SLC14A2: variants seen among roughly 807,000 people sequenced by gnomAD.
The protein encoded by SLC14A2 is solute carrier family 14 member 2.
A neutral mutation model predicts 104.6 loss-of-function variants in SLC14A2; 91 were observed. That is an observed-to-expected ratio of 0.87 (90% CI 0.73 to 1.04). SLC14A2 has a LOEUF of 1.04. Among genes scored for constraint, SLC14A2 ranks in the 50% least tolerant of loss-of-function variants. The pLI, the probability that SLC14A2 is intolerant of heterozygous loss-of-function variation, is 0.00. For synonymous variants in SLC14A2, 476 were observed against 466.4 expected (o/e 1.02, Z -0.27); for missense variants, 1,189 against 1,156.0 (o/e 1.03, Z -0.41).
intron 1 of SLC14A2, among the ~76,000 whole-genome samples, chr18:45,382,151 C>T (rs1394498494): frequency 6.6e-6 from 1 of 152,152 alleles, no homozygotes; most frequent in African/African-American, 2.4e-5. Context: ...GTTGGCCACT[C>T]CCAGATTCTC....
intron 2 of SLC14A2, among the ~76,000 whole-genome samples, chr18:45,555,869 G>A (rs190334902): frequency 6.6e-6 from 1 of 152,308 alleles, no homozygotes; most frequent in East Asian, 1.9e-4. Flanking sequence ...CACTCACCTT[G>A]CCCTTGTGCC....
At chr18:45,204,849 C>T in the SLC14A2 span, among the ~76,000 whole-genome samples, 157 of 151,866 alleles carry the variant, frequency 1.0e-3, no homozygotes, top group African/African-American at 3.4e-3. Flanking sequence ...AAGGTACTTA[C>T]CTCATTGCTT....
At chr18:45,286,369 C>T (rs982233062) in intron 1 of SLC14A2, among the ~76,000 whole-genome samples, 8 of 152,306 alleles carry the variant, frequency 5.3e-5, no homozygotes, top group East Asian at 3.9e-4. Flanking sequence ...CCACTTTTTA[C>T]GTCCCAGGTC....
intron 1 of SLC14A2, among the ~76,000 whole-genome samples, chr18:45,243,438 C>T (rs1385281191): frequency 6.6e-6 from 1 of 152,170 alleles, no homozygotes. Context: ...ACCTCTATGA[C>T]CTCAGAACCA....
chr18:45,579,912 A>G (rs1031861666), intron 2 of SLC14A2, among the ~76,000 whole-genome samples: 3 of 152,194 alleles, frequency 2.0e-5, no homozygotes, highest in Admixed American at 6.5e-5. Context: ...AAGAGTTAAG[A>G]AGAAAGAATA....
intron 1 of SLC14A2, among the ~76,000 whole-genome samples, chr18:45,399,647 A>G (rs1198957536): frequency 6.6e-6 from 1 of 152,116 alleles, no homozygotes; most frequent in South Asian, 2.1e-4. Flanking sequence ...AAGGAAGAAT[A>G]CATATTATGG....
At chr18:45,435,090 T>C (rs2086575586) in intron 1 of SLC14A2, 1 of 152,176 alleles carries the variant, frequency 6.6e-6, no homozygotes, top group South Asian at 2.1e-4. Context: ...AATCCATTTG[T>C]CCCCTCCACC....
chr18:45,328,752 A>G (rs2085260651), intron 1 of SLC14A2, among the ~76,000 whole-genome samples: 1 of 152,220 alleles, frequency 6.6e-6, no homozygotes, highest in Admixed American at 6.5e-5. Context: ...GCACTGGAGG[A>G]GGAGCCAATT....
intron 4 of SLC14A2, among the ~76,000 whole-genome samples, chr18:45,628,803 G>C (rs1386116035): frequency 2.0e-5 from 3 of 152,182 alleles, no homozygotes. Context: ...GAGAAAGAAA[G>C]AAAGAAAGTG....
At chr18:45,353,621 G>A (rs1270509475) in intron 1 of SLC14A2, among the ~76,000 whole-genome samples, 2 of 152,142 alleles carry the variant, frequency 1.3e-5, no homozygotes, top group East Asian at 3.8e-4. Context: ...ACCAGATGTG[G>A]CTTTCCTTCC....
chr18:45,627,194 AGTAGAGAGGTGTTTACTT>A, intron 4 of SLC14A2, 47 bp downstream of exon 4: 6 of 1,544,790 alleles, frequency 3.9e-6, no homozygotes, highest in Non-Finnish European at 5.4e-6. Context: ...TGGAACAGAA[AGTAGAGAGGTGTTTACTT>A]GAGTAATCAG....
At chr18:45,190,177 T>C in the SLC14A2 span, among the ~76,000 whole-genome samples, 1 of 152,232 alleles carries the variant, frequency 6.6e-6, no homozygotes, top group African/African-American at 2.4e-5. Flanking sequence ...TGGGAACCGT[T>C]TGTTGACCTT....
chr18:45,309,355 G>T lies in SLC14A2; in HGVS notation c.-125+96164G>T, dbSNP rs148466949. On this transcript the variant is annotated intron_variant, in intron 1 of 20. Coordinates refer to the SLC14A2 transcript ENST00000586448. ...GCACTTTTTTTTTTTTTTCTGAAAG[G>T]GTCTTTCTCTGTCACCTAGGCTGGA... Among the ~76,000 whole-genome samples, 850 of 150,514 alleles carry T rather than the reference G, an allele frequency of 5.6e-3. 2 individuals carry two copies. The highest frequency in any genetic ancestry group is 0.021 in the Middle Eastern group (6 of 286).
intron 2 of SLC14A2, among the ~76,000 whole-genome samples, chr18:45,575,903 A>G (rs1420941537): frequency 6.6e-6 from 1 of 151,468 alleles, no homozygotes; most frequent in African/African-American, 2.4e-5. Flanking sequence ...TCTTTGAGAC[A>G]CTGTACGAAG....
intron 1 of SLC14A2, among the ~76,000 whole-genome samples, chr18:45,236,301 GTGTGTATA>G (rs1312779054): frequency 2.0e-5 from 1 of 49,868 alleles, no homozygotes; most frequent in African/African-American, 1.2e-4. Flanking sequence ...ATACATGTAT[GTGTGTATA>G]TGTGTATATA....
intron 2 of SLC14A2, among the ~76,000 whole-genome samples, chr18:45,530,527 T>A (rs1344768505): frequency 6.6e-6 from 1 of 152,150 alleles, no homozygotes; most frequent in Non-Finnish European, 1.5e-5. Context: ...ATAACCCACT[T>A]GCTATTCAGG....
chr18:45,218,896 T>TAA lies in SLC14A2; in HGVS notation c.-125+5717_-125+5718dup, dbSNP rs59483107. On this transcript the variant is annotated intron_variant, in intron 1 of 20. Coordinates refer to the SLC14A2 transcript ENST00000586448. Reference sequence around the variant, plus strand: ...AAATCTCTGAGAAGTCTTGCTGCTTTAAAAAAAAAAAAAGCTTCATTGATT... The same window carrying TAA: ...AAATCTCTGAGAAGTCTTGCTGCTTTAAAAAAAAAAAAAAAGCTTCATTGATT... Among the ~76,000 whole-genome samples, 801 of 143,182 alleles carry TAA rather than the reference T, an allele frequency of 5.6e-3. 13 individuals are homozygous for TAA. Among genetic ancestry groups the TAA allele is most frequent in the African/African-American group, 0.019 (736 of 39,234 alleles). 93.9% of individuals were successfully genotyped at this position (143,182 alleles called of 152,430 possible).
intron 1 of SLC14A2, among the ~76,000 whole-genome samples, chr18:45,335,482 G>C (rs78063693): frequency 0.046 from 29 of 634 alleles, no homozygotes; most frequent in African/African-American, 0.13. Context: ...AATGCAAAGT[G>C]AAGTGTTTTG....
At chr18:45,184,703 G>A in the SLC14A2 span, among the ~76,000 whole-genome samples, 1 of 152,210 alleles carries the variant, frequency 6.6e-6, no homozygotes, top group African/African-American at 2.4e-5. Context: ...CAAGGCATAA[G>A]TAGTAAACTT....
Sources: gnomAD v4.1 joint callset for allele counts (sites outside exome capture counted in the v4.1 genomes callset) on GRCh38, gnomAD v4.1.1 for gene constraint, MANE v1.5 for transcripts, NCBI Gene and HGNC (gene_info 2026-07-23, HGNC 2026-07-21) for gene names.